SETBP1: variants seen among roughly 807,000 people sequenced by gnomAD.
SETBP1 encodes SET-binding protein.
SETBP1 carries 9 observed loss-of-function variants against 101.0 expected under a neutral mutation model. The observed-to-expected ratio is 0.09, with a 90% CI of 0.05 to 0.16. The LOEUF is 0.16. Ranked by LOEUF, SETBP1 falls within the 10% of genes least tolerant of loss-of-function variation. The pLI is 1.00. For missense variants in SETBP1, 1,858 were observed against 2,033.8 expected (o/e 0.91, Z 1.66); for synonymous variants, 818 against 788.5 (o/e 1.04, Z -0.63).
upstream of SETBP1, chr18:44,680,776 G>C (rs1040774780): frequency 6.6e-6 from 1 of 152,210 alleles, no homozygotes; most frequent in Non-Finnish European, 1.5e-5. Flanking sequence ...ACCCTCCCTC[G>C]GTCCTGCAGC....
intron 4 of SETBP1, among the ~76,000 whole-genome samples, chr18:44,970,698 C>T (rs1018158326): frequency 5.3e-5 from 8 of 151,862 alleles, no homozygotes; most frequent in South Asian, 2.1e-4. Flanking sequence ...ATTACAGGCA[C>T]GTGCCACCAC....
At chr18:45,037,271 A>G (rs1431873904) in intron 4 of SETBP1, among the ~76,000 whole-genome samples, 1 of 152,196 alleles carries the variant, frequency 6.6e-6, no homozygotes, top group Non-Finnish European at 1.5e-5. Flanking sequence ...TGGATGAGTT[A>G]GAGAGCCTTG....
chr18:45,028,806 C>G (rs2073226967), intron 4 of SETBP1, among the ~76,000 whole-genome samples: 1 of 152,114 alleles, frequency 6.6e-6, no homozygotes, highest in Non-Finnish European at 1.5e-5. Context: ...GCATAAATGT[C>G]TTCTTTTGAG....
chr18:44,778,316 A>G (rs1009414067), intron 2 of SETBP1, among the ~76,000 whole-genome samples: 1 of 152,180 alleles, frequency 6.6e-6, no homozygotes, highest in African/African-American at 2.4e-5. Context: ...ACCTGGAGCT[A>G]GAGGGGGGTC....
intron 4 of SETBP1, among the ~76,000 whole-genome samples, chr18:45,028,168 A>T (rs868574088): frequency 6.0e-4 from 38 of 63,304 alleles, no homozygotes; most frequent in African/African-American, 1.8e-3. Context: ...CCCTCCCCCC[A>T]CCCCACAACA....
chr18:44,907,011 G>A (rs2144859697), intron 3 of SETBP1, among the ~76,000 whole-genome samples: 1 of 152,156 alleles, frequency 6.6e-6, no homozygotes, highest in Admixed American at 6.5e-5. Flanking sequence ...GTACCCATTA[G>A]CAGTTACACC....
intron 3 of SETBP1, among the ~76,000 whole-genome samples, chr18:44,924,892 CT>C: frequency 6.6e-6 from 1 of 151,952 alleles, no homozygotes; most frequent in East Asian, 1.9e-4. Flanking sequence ...AGCATAGTCA[CT>C]TTTCAAGATC....
intron 3 of SETBP1, chr18:44,876,955 A>T (rs1055233723): frequency 4.7e-6 from 6 of 1,286,572 alleles, no homozygotes; most frequent in African/African-American, 1.5e-5. Flanking sequence ...CTGAAGAGAT[A>T]ATGCATTAGG....
chr18:44,942,919 ATCCAGGTGAAT>A (rs574866927), intron 3 of SETBP1, among the ~76,000 whole-genome samples: 34 of 152,346 alleles, frequency 2.2e-4, no homozygotes, highest in Non-Finnish European at 3.2e-4. Context: ...TGGGAATAAC[ATCCAGGTGAAT>A]TCCCAGGGTG....
intron 2 of SETBP1, among the ~76,000 whole-genome samples, chr18:44,784,774 T>C (rs2071202661): frequency 6.6e-6 from 1 of 152,200 alleles, no homozygotes. Flanking sequence ...TAACAACTGC[T>C]CAAGAGTACG....
At position 44,950,223 on chromosome 18, in the gene SETBP1, A is replaced by C. The variant is rs1230555549; in HGVS notation, c.883A>C (p.Ser295Arg). Residue 295 changes from serine to arginine, a missense_variant, in exon 4 of 6, where the codon AGC (serine) becomes CGC (arginine). Transcript: ENST00000649279. ...LLGGVAPSPSSHSSPAPPSSS... is the reference protein window; with the variant it reads ...LLGGVAPSPSRHSSPAPPSSS... ...GGGAGGTGTGGCTCCATCCCCAAGC[A>C]GCCACAGCTCACCAGCCCCACCCAG... The C allele has an allele frequency of 1.9e-6, 3 of 1,613,852 alleles. No individual in the cohort carries two copies. The South Asian group carries it at 3.3e-5, about 18-fold the overall frequency.
intron 4 of SETBP1, among the ~76,000 whole-genome samples, chr18:44,961,615 CA>C (rs1348305797): frequency 6.6e-6 from 1 of 152,152 alleles, no homozygotes. Context: ...AGCAGAAACA[CA>C]ATGCCAGATT....
chr18:44,918,601 C>T (rs1374710629), intron 3 of SETBP1, among the ~76,000 whole-genome samples: 1 of 152,162 alleles, frequency 6.6e-6, no homozygotes, highest in African/African-American at 2.4e-5. Context: ...AGGACAGGAA[C>T]CCAGCAGTAG....
intron 4 of SETBP1, among the ~76,000 whole-genome samples, chr18:44,991,166 C>A (rs1172828302): frequency 1.3e-5 from 2 of 148,464 alleles, no homozygotes; most frequent in Non-Finnish European, 3.0e-5. Context: ...TTGCTTGAAC[C>A]CAGGAGGTGG....
intron 2 of SETBP1, among the ~76,000 whole-genome samples, chr18:44,733,984 C>T (rs2069902009): frequency 6.6e-6 from 1 of 152,170 alleles, no homozygotes; most frequent in African/African-American, 2.4e-5. Flanking sequence ...TCCCTTCTCC[C>T]ATCACAATTC....
Position 44,701,499 on chromosome 18 carries a change from C to A in SETBP1, c.153C>A (p.Gly51=), listed in dbSNP as rs372870881. ...TPGPGKGIPV[G]GERMEPEEED... is the part of the protein sequence containing the mutation. ...GACCTGGGAAGGGGATCCCGGTGGG[C>A]GGAGAGCGCATGGAGCCAGAGGAGG... The change falls in exon 2 of 6, where the codon GGC becomes GGA. Residue 51 remains glycine, a synonymous_variant. Coordinates refer to ENST00000649279, the MANE Select transcript of SETBP1 (RefSeq NM_015559.3). The A allele has an allele frequency of 6.2e-7, 1 of 1,613,904 alleles. No homozygotes were observed. Among genetic ancestry groups the A allele is most frequent in the East Asian group, 2.2e-5 (1 of 44,878 alleles).
intron 2 of SETBP1, among the ~76,000 whole-genome samples, chr18:44,793,560 ACCC>A (rs2071408690): frequency 6.6e-6 from 1 of 152,028 alleles, no homozygotes; most frequent in African/African-American, 2.4e-5. Context: ...GGTGGTGGGG[ACCC>A]CCTGTGTGTT....
intron 3 of SETBP1, chr18:44,876,782 C>A: frequency 6.8e-7 from 1 of 1,476,880 alleles, no homozygotes; most frequent in Non-Finnish European, 9.0e-7. Flanking sequence ...AAGCCCACAC[C>A]TGTGGTCATT....
chr18:44,898,014 T>C (rs16978220), intron 3 of SETBP1, among the ~76,000 whole-genome samples: 10,426 of 152,160 alleles, frequency 0.069, 1,175 homozygotes, highest in African/African-American at 0.24. Context: ...TAGGTGTGTA[T>C]GGTAATTGTT....
Sources: allele counts gnomAD v4.1 joint callset (sites outside exome capture counted in the v4.1 genomes callset), GRCh38; gene constraint gnomAD v4.1.1; transcripts MANE v1.5; gene names NCBI Gene and HGNC (gene_info 2026-07-23, HGNC 2026-07-21).